The following DST variants were observed in gnomAD, a reference collection of about 807,000 sequenced individuals.
DST encodes the protein dystonin, also known as bullous pemphigoid antigen.
In DST, 253 loss-of-function variants were observed where a neutral mutation model predicts 875.2. The observed-to-expected ratio is 0.29, with a 90% CI of 0.26 to 0.32. The LOEUF is 0.32. Ranked by LOEUF, DST falls within the 10% of genes least tolerant of loss-of-function variation. The pLI is 1.00. For missense variants in DST, 8,287 were observed against 9,111.6 expected (o/e 0.91, Z 3.68); for synonymous variants, 3,124 against 3,197.1 (o/e 0.98, Z 0.77).
chr6:56,818,948 C>T (rs113583134), intron 4 of DST, among the ~76,000 whole-genome samples: 1,614 of 152,220 alleles, frequency 0.011, 16 homozygotes, highest in Middle Eastern at 0.031. Context: ...CTGGGTCTGA[C>T]CCTGGATCAT....
chr6:56,462,987 T>C, intron 102 of DST, 59 bp downstream of exon 102: 1 of 950,338 alleles, frequency 1.1e-6, no homozygotes, highest in Middle Eastern at 2.2e-4. Flanking sequence ...ACGATGTTAG[T>C]GAGTGATAGC....
chr6:56,781,200 T>G (rs1361039542), intron 4 of DST, among the ~76,000 whole-genome samples: 1 of 152,120 alleles, frequency 6.6e-6, no homozygotes, highest in Non-Finnish European at 1.5e-5. Flanking sequence ...ATTGACTTGG[T>G]GATGCGGGCT....
chr6:56,509,808 T>C lies in DST; in HGVS notation c.18846A>G (p.Pro6282=), dbSNP rs1240831729. 2 of 1,613,528 alleles carry C rather than the reference T, an allele frequency of 1.2e-6. No individual in the cohort carries two copies. Among genetic ancestry groups the C allele is most frequent in the African/African-American group, 2.7e-5 (2 of 74,892 alleles). Residue 6282 remains proline, a synonymous_variant, in exon 74 of 104, where the codon CCA becomes CCG. Transcript: ENST00000680361. ...LERIVERLRQ[P]PSISAEVEKI... is the part of the protein sequence containing the mutation. Reference sequence around the variant, plus strand: ...TCTCAACCTCTGCAGAGATAGAGGGTGGCTGCCTCAGACGTTCCACGATGC... The same window carrying C: ...TCTCAACCTCTGCAGAGATAGAGGGCGGCTGCCTCAGACGTTCCACGATGC...
intron 49 of DST, among the ~76,000 whole-genome samples, chr6:56,589,772 C>A (rs2098236536): frequency 6.6e-6 from 1 of 152,198 alleles, no homozygotes; most frequent in Admixed American, 6.5e-5. Context: ...CTAGTAGTAT[C>A]AGATTGTTGA....
At chr6:56,616,248 T>G in intron 36 of DST, 1 of 1,614,144 alleles carries the variant, frequency 6.2e-7, no homozygotes, top group East Asian at 2.2e-5. Context: ...CCCTGCTCTA[T>G]AGCCTCATTA....
At chr6:56,771,910 T>C (rs1028932278) in intron 4 of DST, among the ~76,000 whole-genome samples, 2 of 152,164 alleles carry the variant, frequency 1.3e-5, no homozygotes, top group African/African-American at 2.4e-5. Flanking sequence ...TAACATTGCA[T>C]TGAAGAGTCA....
intron 47 of DST, 80 bp from the exon 48 acceptor site, chr6:56,594,273 T>A: frequency 8.3e-7 from 1 of 1,201,300 alleles, no homozygotes; most frequent in East Asian, 2.4e-5. Context: ...GCCTCAAGAC[T>A]GACAGGTTTC....
chr6:56,600,275 T>C, intron 44 of DST, 54 bp from the exon 45 acceptor site: 4 of 1,538,502 alleles, frequency 2.6e-6, no homozygotes, highest in Non-Finnish European at 3.6e-6. Context: ...ACAAAATCGC[T>C]ATTGTGATAG....
At chr6:56,929,623 C>T (rs1448947352) in intron 2 of DST, among the ~76,000 whole-genome samples, 3 of 152,226 alleles carry the variant, frequency 2.0e-5, no homozygotes, top group East Asian at 1.9e-4. Flanking sequence ...CACTGATATA[C>T]TTTTATATGC....
At chr6:56,596,052 T>A (rs2098380936) in intron 47 of DST, among the ~76,000 whole-genome samples, 1 of 151,696 alleles carries the variant, frequency 6.6e-6, no homozygotes, top group African/African-American at 2.4e-5. Context: ...TATTTTGAGA[T>A]GGAGTCTCGC....
At chr6:56,513,280 G>C (rs978815720) in intron 72 of DST, among the ~76,000 whole-genome samples, 8 of 151,168 alleles carry the variant, frequency 5.3e-5, no homozygotes, top group Non-Finnish European at 8.8e-5. Context: ...GCCCAGGCTG[G>C]AGTGCCGTGG....
intron 4 of DST, among the ~76,000 whole-genome samples, chr6:56,817,960 G>C (rs2099768577): frequency 6.6e-6 from 1 of 152,170 alleles, no homozygotes; most frequent in Non-Finnish European, 1.5e-5. Flanking sequence ...TATCAAAAGA[G>C]GGAGGTGGGG....
chr6:56,951,150 A>C (rs9475757), intron 2 of DST, among the ~76,000 whole-genome samples: 10,947 of 152,180 alleles, frequency 0.072, 524 homozygotes, highest in East Asian at 0.18. Context: ...ACCAGAAGCA[A>C]TACATTCTGC....
chr6:56,759,764 G>A (rs979387369), intron 4 of DST, among the ~76,000 whole-genome samples: 6 of 152,204 alleles, frequency 3.9e-5, no homozygotes, highest in Non-Finnish European at 8.8e-5. Flanking sequence ...TTCCAGAGGC[G>A]CGTGTGAATC....
intron 48 of DST, among the ~76,000 whole-genome samples, chr6:56,592,901 C>T (rs553993445): frequency 9.2e-5 from 14 of 151,650 alleles, no homozygotes; most frequent in African/African-American, 2.7e-4. Context: ...CAAAAAAAAC[C>T]TTTTACTTGA....
rs931559183 is a variant in DST at position 56,530,490 on chromosome 6, C to T, written c.17109-357G>A. ...TATTGAACACATATTCTGTGCCAGG[C>T]CCCATTTTAAGTGCTTTATATATTA... On this transcript the variant is annotated intron_variant, in intron 64 of 103. Transcript: ENST00000680361. Among the ~76,000 whole-genome samples, 4 of 152,132 alleles carry T rather than the reference C, an allele frequency of 2.6e-5. No individual in the cohort carries two copies. In the East Asian group the frequency reaches 5.8e-4, roughly 22 times the overall value.
chr6:56,475,716 T>C (rs1442510725), intron 92 of DST, among the ~76,000 whole-genome samples: 1 of 152,228 alleles, frequency 6.6e-6, no homozygotes, highest in African/African-American at 2.4e-5. Context: ...AATGTGAACA[T>C]AATGCATCCA....
intron 9 of DST, among the ~76,000 whole-genome samples, chr6:56,695,898 G>T (rs958548718): frequency 6.6e-6 from 1 of 152,116 alleles, no homozygotes; most frequent in African/African-American, 2.4e-5. Flanking sequence ...CTCTGAGTGA[G>T]GATGATTACC....
In DST at chr6:56,833,199, T is replaced by C. The variant is rs1449100835; in HGVS notation, c.625+18198A>G. ...TTTAGGAACTACGACTCTTCTAAAA[T>C]ATGTTAACAGAAAAAAAGCAAATAA... On this transcript the variant is annotated intron_variant, in intron 4 of 103. Coordinates refer to ENST00000680361, the MANE Select transcript of DST (RefSeq NM_001374736.1). 2.0e-5 allele frequency among the ~76,000 whole-genome samples: 3 copies of C among 152,322 alleles called. No homozygotes were observed. In the East Asian group the frequency reaches 5.8e-4, roughly 29 times the overall value.
Sources: gnomAD v4.1 joint callset for allele counts (sites outside exome capture counted in the v4.1 genomes callset) on GRCh38, gnomAD v4.1.1 for gene constraint, MANE v1.5 for transcripts, NCBI Gene and HGNC (gene_info 2026-07-23, HGNC 2026-07-21) for gene names.